The following PPM1L variants were observed in gnomAD, a reference collection of about 807,000 sequenced individuals.
PPM1L encodes the protein protein phosphatase, Mg2+/Mn2+ dependent 1L, also known as protein phosphatase 1L.
Under a neutral mutation model 31.4 loss-of-function variants are expected in PPM1L, and 13 were observed. The observed-to-expected ratio is 0.41, with a 90% CI of 0.27 to 0.66. PPM1L has a LOEUF of 0.66. Among genes scored for constraint, PPM1L ranks in the 30% least tolerant of loss-of-function variants. PPM1L has a pLI of 0.29. For synonymous variants in PPM1L, 184 were observed against 175.4 expected (o/e 1.05, Z -0.39); for missense variants, 326 against 453.7 (o/e 0.72, Z 2.56).
intron 1 of PPM1L, among the ~76,000 whole-genome samples, chr3:160,863,130 G>A (rs1711963968): frequency 6.6e-6 from 1 of 152,112 alleles, no homozygotes; most frequent in South Asian, 2.1e-4. Context: ...AACGTGTCAT[G>A]TATTTTGTCA....
At chr3:160,843,655 C>G (rs1713979078) in intron 1 of PPM1L, among the ~76,000 whole-genome samples, 1 of 151,422 alleles carries the variant, frequency 6.6e-6, no homozygotes, top group Admixed American at 6.6e-5. Context: ...TGTGATGTTC[C>G]CCTTCCTGTG....
intron 2 of PPM1L, among the ~76,000 whole-genome samples, chr3:161,064,321 C>G (rs959424527): frequency 3.3e-5 from 5 of 150,254 alleles, no homozygotes; most frequent in Non-Finnish European, 7.4e-5. Flanking sequence ...GAGTTATGAT[C>G]ACAACACTGC....
At chr3:160,875,260 G>A (rs1249444519) in intron 1 of PPM1L, among the ~76,000 whole-genome samples, 1 of 152,140 alleles carries the variant, frequency 6.6e-6, no homozygotes, top group East Asian at 1.9e-4. Flanking sequence ...GCATCTTACA[G>A]TTTAAGAGAG....
chr3:160,878,791 G>T (rs887014219), intron 1 of PPM1L, among the ~76,000 whole-genome samples: 3 of 152,160 alleles, frequency 2.0e-5, no homozygotes, highest in African/African-American at 7.2e-5. Context: ...ATTATGGAAG[G>T]CACCAGTGAT....
chr3:160,964,439 G>A (rs1716068395), intron 2 of PPM1L, among the ~76,000 whole-genome samples: 1 of 151,872 alleles, frequency 6.6e-6, no homozygotes, highest in South Asian at 2.1e-4. Context: ...CATCATAAAG[G>A]TCTTCATCCT....
chr3:160,977,804 C>G (rs1184487939), intron 2 of PPM1L, among the ~76,000 whole-genome samples: 1 of 152,042 alleles, frequency 6.6e-6, no homozygotes, highest in Non-Finnish European at 1.5e-5. Flanking sequence ...TTTCTGATAA[C>G]CAGAGCAAAA....
intron 1 of PPM1L, among the ~76,000 whole-genome samples, chr3:160,863,077 C>T (rs568033675): frequency 6.6e-6 from 1 of 152,298 alleles, no homozygotes; most frequent in South Asian, 2.1e-4. Context: ...TTTTTCCAGA[C>T]TTTCCACTGA....
intron 1 of PPM1L, among the ~76,000 whole-genome samples, chr3:160,903,813 G>A (rs929495353): frequency 1.4e-5 from 2 of 142,218 alleles, no homozygotes; most frequent in Non-Finnish European, 3.1e-5. Context: ...GAAGAGACAA[G>A]TCAAAGGGAA....
intron 1 of PPM1L, among the ~76,000 whole-genome samples, chr3:160,901,416 A>G (rs568977507): frequency 1.1e-3 from 165 of 152,222 alleles, no homozygotes; most frequent in African/African-American, 3.8e-3. Context: ...TCAAAGGTTC[A>G]TGTTTTTATA....
At chr3:160,846,187 A>T (rs984533711) in intron 1 of PPM1L, among the ~76,000 whole-genome samples, 1 of 152,126 alleles carries the variant, frequency 6.6e-6, no homozygotes, top group Non-Finnish European at 1.5e-5. Flanking sequence ...ACTATAACAA[A>T]AAAACTTGGT....
At chr3:161,058,100 G>T (rs1719464335) in intron 2 of PPM1L, among the ~76,000 whole-genome samples, 1 of 113,792 alleles carries the variant, frequency 8.8e-6, no homozygotes, top group Non-Finnish European at 2.1e-5. Context: ...ACTTTAGTAG[G>T]GTCCATCATT....
intron 1 of PPM1L, among the ~76,000 whole-genome samples, chr3:160,915,112 C>A (rs1031389194): frequency 1.3e-5 from 2 of 152,128 alleles, no homozygotes; most frequent in Non-Finnish European, 2.9e-5. Context: ...AAGAGGAAGT[C>A]AAATTGTCCC....
chr3:161,017,263 G>C (rs546152265), intron 2 of PPM1L, among the ~76,000 whole-genome samples: 3 of 152,176 alleles, frequency 2.0e-5, no homozygotes, highest in East Asian at 3.9e-4. Context: ...AATTTGAAGA[G>C]GGAAGAAAAT....
chr3:161,018,773 T>C (rs949357978), intron 2 of PPM1L, among the ~76,000 whole-genome samples: 1 of 152,226 alleles, frequency 6.6e-6, no homozygotes, highest in African/African-American at 2.4e-5. Flanking sequence ...TGTAGGAAGC[T>C]GATGACAAGA....
chr3:161,027,378 G>A (rs1425978156), intron 2 of PPM1L, among the ~76,000 whole-genome samples: 1 of 152,122 alleles, frequency 6.6e-6, no homozygotes, highest in Non-Finnish European at 1.5e-5. Context: ...ACCTGACACT[G>A]GGTAATTTAT....
rs565571220 is a variant in PPM1L, at chr3:160,817,579, C to A, written c.399+60872C>A. 5.3e-5 allele frequency among the ~76,000 whole-genome samples: 8 copies of A among 152,112 alleles called. No individual in the cohort carries two copies. In the South Asian group the frequency reaches 1.7e-3, roughly 32 times the overall value. On this transcript the variant is annotated intron_variant, in intron 1 of 3. Transcript: ENST00000498165. ...ATATTTTAATCTTCAAACTATTTTT[C>A]TTTAATTGCTTTTCTATTGTGTTGG...
intron 1 of PPM1L, among the ~76,000 whole-genome samples, chr3:160,859,448 A>G (rs1165832522): frequency 6.6e-6 from 1 of 152,176 alleles, no homozygotes; most frequent in Non-Finnish European, 1.5e-5. Context: ...TAATAACTGG[A>G]TATTCTCAAG....
intron 1 of PPM1L, among the ~76,000 whole-genome samples, chr3:160,774,244 C>T (rs1315206589): frequency 6.6e-6 from 1 of 152,032 alleles, no homozygotes; most frequent in Non-Finnish European, 1.5e-5. Context: ...TTCCTTCTTC[C>T]TTCTTCATGC....
chr3:160,769,877 A>G (rs1715203880), intron 1 of PPM1L, among the ~76,000 whole-genome samples: 1 of 152,178 alleles, frequency 6.6e-6, no homozygotes, highest in Non-Finnish European at 1.5e-5. Context: ...TTTTGTACCC[A>G]TTTCGGAGGG....
Sources: gnomAD v4.1 joint callset for allele counts (sites outside exome capture counted in the v4.1 genomes callset) on GRCh38, gnomAD v4.1.1 for gene constraint, MANE v1.5 for transcripts, NCBI Gene and HGNC (gene_info 2026-07-23, HGNC 2026-07-21) for gene names.